Variants in MBOAT2 observed in about 807,000 individuals in gnomAD.
MBOAT2 encodes the protein membrane bound glycerophospholipid O-acyltransferase 2.
MBOAT2 carries 28 observed loss-of-function variants against 63.4 expected under a neutral mutation model. The observed-to-expected ratio is 0.44, with a 90% CI of 0.33 to 0.61. The LOEUF is 0.61. Among genes scored for constraint, MBOAT2 ranks in the 20% least tolerant of loss-of-function variants. MBOAT2 has a pLI of 0.03. For synonymous variants in MBOAT2, 211 were observed against 215.6 expected (o/e 0.98, Z 0.19); for missense variants, 470 against 605.8 (o/e 0.78, Z 2.35).
intron 1 of MBOAT2, among the ~76,000 whole-genome samples, chr2:8,960,812 A>C (rs761749815): frequency 1.1e-4 from 16 of 152,234 alleles, no homozygotes; most frequent in Non-Finnish European, 8.8e-5. Flanking sequence ...AATATGTATA[A>C]AAAATAAAAT....
intron 9 of MBOAT2, among the ~76,000 whole-genome samples, chr2:8,865,138 A>G (rs1436575373): frequency 6.6e-6 from 1 of 152,186 alleles, no homozygotes; most frequent in African/African-American, 2.4e-5. Context: ...TTTCCTAGAC[A>G]GTTCATTCTC....
chr2:8,891,966 A>C (rs1466296981), intron 4 of MBOAT2, among the ~76,000 whole-genome samples: 3 of 152,274 alleles, frequency 2.0e-5, no homozygotes, highest in Non-Finnish European at 4.4e-5. Context: ...AATATTAAAA[A>C]ATTCAGCTGA....
intron 2 of MBOAT2, among the ~76,000 whole-genome samples, chr2:8,949,957 G>T (rs971856005): frequency 5.3e-5 from 8 of 152,166 alleles, no homozygotes; most frequent in Admixed American, 3.3e-4. Context: ...CATAAGCTGA[G>T]AGGTTTTTCC....
chr2:8,879,636 T>C (rs1285795188), intron 6 of MBOAT2, among the ~76,000 whole-genome samples: 1 of 152,022 alleles, frequency 6.6e-6, no homozygotes, highest in Non-Finnish European at 1.5e-5. Flanking sequence ...CAGTGCAGGG[T>C]GTTTAGCAGC....
At chr2:8,997,570 C>T (rs1053338732) in intron 1 of MBOAT2, among the ~76,000 whole-genome samples, 2 of 152,080 alleles carry the variant, frequency 1.3e-5, no homozygotes, top group African/African-American at 2.4e-5. Context: ...CAGATGTTAA[C>T]GTCTCAAAAT....
At chr2:8,923,332 G>T (rs1323178226) in intron 3 of MBOAT2, among the ~76,000 whole-genome samples, 1 of 152,116 alleles carries the variant, frequency 6.6e-6, no homozygotes, top group Non-Finnish European at 1.5e-5. Context: ...GAAACCTAAA[G>T]AACTGGTCTT....
rs777163282 is a variant in MBOAT2 at position 8,862,765 on chromosome 2, A to G, written c.1053-43T>C. 6.3e-7 allele frequency: 1 copy of G among 1,582,956 alleles called. No homozygotes were observed. The highest frequency in any genetic ancestry group is 1.2e-5 in the South Asian group (1 of 85,444). On this transcript the variant is annotated intron_variant, in intron 10 of 12. Transcript: ENST00000305997. The surrounding 1 kb of genome is among the most constrained non-coding windows in gnomAD (Gnocchi z 4.3). ...CATGGAGAGCCAAGTGGAGTGAGTG[A>G]CCCGAGTTTACAAAGCCTGCAATGA...
At chr2:8,986,976 C>T (rs2103351985) in intron 1 of MBOAT2, among the ~76,000 whole-genome samples, 1 of 152,302 alleles carries the variant, frequency 6.6e-6, no homozygotes, top group East Asian at 1.9e-4. Context: ...TTAATCCACA[C>T]AGTCTATGGT....
At chr2:8,968,717 A>G (rs1231937405) in intron 1 of MBOAT2, among the ~76,000 whole-genome samples, 1 of 152,242 alleles carries the variant, frequency 6.6e-6, no homozygotes, top group African/African-American at 2.4e-5. Flanking sequence ...ATGGCATAAG[A>G]ACTAGGTGAT....
chr2:8,895,141 C>G (rs185418691), intron 4 of MBOAT2, among the ~76,000 whole-genome samples: 2 of 152,202 alleles, frequency 1.3e-5, no homozygotes, highest in Non-Finnish European at 2.9e-5. Context: ...AGCGTGGAAA[C>G]GGACCCTAGC....
intron 4 of MBOAT2, among the ~76,000 whole-genome samples, chr2:8,900,975 A>G (rs1218767241): frequency 1.3e-5 from 2 of 152,194 alleles, no homozygotes; most frequent in Non-Finnish European, 2.9e-5. Flanking sequence ...ATGCATTTCA[A>G]GGGTGAGCCT....
intron 1 of MBOAT2, among the ~76,000 whole-genome samples, chr2:8,981,539 A>C (rs1671190139): frequency 6.6e-6 from 1 of 152,176 alleles, no homozygotes; most frequent in Non-Finnish European, 1.5e-5. Context: ...CCAGAGCCTC[A>C]GAGAAGACGA....
At chr2:8,876,456 T>C (rs1179998815) in intron 7 of MBOAT2, among the ~76,000 whole-genome samples, 2 of 152,254 alleles carry the variant, frequency 1.3e-5, no homozygotes, top group African/African-American at 4.8e-5. Flanking sequence ...TGGTGAGCAC[T>C]GTCAAAGTGT....
chr2:8,866,226 T>C (rs1363950455), intron 9 of MBOAT2, among the ~76,000 whole-genome samples: 1 of 152,074 alleles, frequency 6.6e-6, no homozygotes, highest in Non-Finnish European at 1.5e-5. Flanking sequence ...GAGATGAAAA[T>C]TCGTTCTTAA....
At chr2:8,946,861 A>T in intron 2 of MBOAT2, among the ~76,000 whole-genome samples, 1 of 152,228 alleles carries the variant, frequency 6.6e-6, no homozygotes, top group East Asian at 1.9e-4. Flanking sequence ...CGGAGAGACA[A>T]CAATTATTGA....
chr2:9,000,258 T>A (rs1381318868), intron 1 of MBOAT2, among the ~76,000 whole-genome samples: 1 of 152,230 alleles, frequency 6.6e-6, no homozygotes, highest in African/African-American at 2.4e-5. Flanking sequence ...TGATTTGTCT[T>A]TTTCCTGTTG....
chr2:8,981,891 CT>C (rs1671218210), intron 1 of MBOAT2, among the ~76,000 whole-genome samples: 1 of 152,060 alleles, frequency 6.6e-6, no homozygotes, highest in South Asian at 2.1e-4. Flanking sequence ...AATCCCAGGC[CT>C]TTTTTATTTA....
In MBOAT2 at chr2:8,862,471, A is replaced by G; in HGVS notation, c.1185+119T>C. 7.2e-7 allele frequency: 1 copy of G among 1,382,452 alleles called. No individual in the cohort carries two copies. The highest frequency in any genetic ancestry group is 9.9e-7 in the Non-Finnish European group (1 of 1,012,416). The allele number at this position is 1,382,452 out of a possible 1,614,324, so 85.6% of individuals were successfully genotyped here. A position where few individuals can be genotyped will look rare whatever the true frequency, so the allele number is the denominator to read the frequency against. On this transcript the variant is annotated intron_variant, in intron 11 of 12. Coordinates refer to ENST00000305997, the MANE Select transcript of MBOAT2 (RefSeq NM_138799.4). This position sits in a 1 kb window ranked among gnomAD's most constrained non-coding sequence, Gnocchi z 4.3. ...GCAGTACACACCTCGCTTCTAGTGG[A>G]AAGGACAATACTGACCACGACCAAG... is the stretch of plus-strand genomic sequence containing the variant.
chr2:9,003,215 G>C lies in MBOAT2; in HGVS notation c.75+325C>G, dbSNP rs991218682. Among the ~76,000 whole-genome samples the C allele has an allele frequency of 6.6e-6, 1 of 152,120 alleles. No homozygotes were observed. The highest frequency in any genetic ancestry group is 1.5e-5 in the Non-Finnish European group (1 of 68,004). ...GCTCCGGGACCCGACCACCGGATCCGAGCGCCGCTGCCGCGAAGGGCAGGG... is the reference window on the plus strand; with the variant it reads ...GCTCCGGGACCCGACCACCGGATCCCAGCGCCGCTGCCGCGAAGGGCAGGG... On this transcript the variant is annotated intron_variant, in intron 1 of 12. Transcript: ENST00000305997. The surrounding 1 kb of genome is among the most constrained non-coding windows in gnomAD (Gnocchi z 5.4).
Sources: gnomAD v4.1 joint callset for allele counts (sites outside exome capture counted in the v4.1 genomes callset) on GRCh38, gnomAD v4.1.1 for gene constraint, Gnocchi (gnomAD v3.1) non-coding constraint, MANE v1.5 for transcripts, NCBI Gene and HGNC (gene_info 2026-07-23, HGNC 2026-07-21) for gene names.